The following ADARB2 variants were observed in gnomAD, a reference collection of about 807,000 sequenced individuals.
ADARB2 encodes inactive double-stranded RNA-specific editase B2.
A neutral mutation model predicts 62.2 loss-of-function variants in ADARB2; 25 were observed. That is an observed-to-expected ratio of 0.40 (90% CI 0.29 to 0.56). The LOEUF is 0.56. ADARB2 is among the 20% of genes least tolerant of loss of function. The probability of loss-of-function intolerance (pLI) is 0.43; values close to 1 mark genes in which losing one functional copy is unlikely to be tolerated. For missense variants in ADARB2, 1,071 were observed against 1,077.4 expected, an observed-to-expected ratio of 0.99 and a Z score of 0.08; for synonymous variants, 572 against 500.8, an observed-to-expected ratio of 1.14 and a Z score of -1.90.
intron 8 of ADARB2, among the ~76,000 whole-genome samples, chr10:1,187,052 G>T (rs1234501985): frequency 6.6e-6 from 1 of 152,210 alleles, no homozygotes; most frequent in Admixed American, 6.5e-5. Context: ...TGGCCCATTT[G>T]CCAACCACTT....
chr10:1,202,421 C>A, intron 7 of ADARB2, among the ~76,000 whole-genome samples: 1 of 152,178 alleles, frequency 6.6e-6, no homozygotes, highest in East Asian at 1.9e-4. Context: ...TCAAGCCATC[C>A]ACTGAACTTG....
intron 1 of ADARB2, among the ~76,000 whole-genome samples, chr10:1,465,272 A>C (rs1831239962): frequency 6.6e-6 from 1 of 152,080 alleles, no homozygotes; most frequent in Non-Finnish European, 1.5e-5. Context: ...CAGGTGGTGG[A>C]CCTATTTTAC....
rs980012821 is a variant in ADARB2, at chr10:1,569,914, T to C, written c.100+167137A>G. On this transcript the variant is annotated intron_variant, in intron 1 of 9. Transcript: ENST00000381312. ...TGCCTTGGGACATTGACAATTATTA[T>C]TTAAATCAAAAAGGAAACCAAAAAT... Among the ~76,000 whole-genome samples the C allele has an allele frequency of 5.3e-5, 8 of 152,338 alleles. No homozygotes were observed. The East Asian group carries it at 1.5e-3, about 29-fold the overall frequency.
At chr10:1,662,168 T>A (rs1341583892) in intron 1 of ADARB2, among the ~76,000 whole-genome samples, 2 of 152,166 alleles carry the variant, frequency 1.3e-5, no homozygotes, top group African/African-American at 4.8e-5. Context: ...TTGGAAGGGT[T>A]ATTGGCCCAA....
intron 1 of ADARB2, among the ~76,000 whole-genome samples, chr10:1,515,342 C>G (rs1398480168): frequency 6.6e-6 from 1 of 152,216 alleles, no homozygotes; most frequent in Non-Finnish European, 1.5e-5. Context: ...ACCCCCTGAG[C>G]CGACAGAGTC....
intron 3 of ADARB2, among the ~76,000 whole-genome samples, chr10:1,350,802 C>T (rs1017874294): frequency 9.2e-5 from 14 of 152,090 alleles, no homozygotes; most frequent in East Asian, 3.8e-4. Flanking sequence ...AATTAAATTC[C>T]GGCCCTCAAA....
intron 1 of ADARB2, among the ~76,000 whole-genome samples, chr10:1,507,767 T>A (rs956114264): frequency 1.3e-5 from 2 of 152,118 alleles, no homozygotes; most frequent in Non-Finnish European, 2.9e-5. Context: ...GTACAGTGAC[T>A]TCATTAGGCA....
intron 6 of ADARB2, among the ~76,000 whole-genome samples, chr10:1,219,575 A>AT (rs1473830449): frequency 6.6e-6 from 1 of 152,258 alleles, no homozygotes; most frequent in East Asian, 1.9e-4. Flanking sequence ...AATGAGAGGT[A>AT]TTGAGCCTGG....
At chr10:1,709,901 T>C (rs1354712316) in intron 1 of ADARB2, among the ~76,000 whole-genome samples, 3 of 152,236 alleles carry the variant, frequency 2.0e-5, no homozygotes, top group African/African-American at 7.2e-5. Context: ...GTGCCAAGTC[T>C]CTAAAGCCAA....
chr10:1,617,959 T>G (rs1386757783), intron 1 of ADARB2, among the ~76,000 whole-genome samples: 1 of 152,266 alleles, frequency 6.6e-6, no homozygotes, highest in Non-Finnish European at 1.5e-5. Context: ...CAGATTTCCC[T>G]GAGTTCAGTG....
intron 3 of ADARB2, among the ~76,000 whole-genome samples, chr10:1,283,982 C>T (rs891158683): frequency 1.3e-5 from 2 of 152,290 alleles, no homozygotes; most frequent in African/African-American, 4.8e-5. Context: ...AAGAGTAGAT[C>T]AGTCTGGCCT....
intron 8 of ADARB2, among the ~76,000 whole-genome samples, chr10:1,188,428 G>A (rs1241235788): frequency 6.6e-6 from 1 of 152,210 alleles, no homozygotes; most frequent in Non-Finnish European, 1.5e-5. Context: ...TCAGTTCCTT[G>A]TTCCTTTCAC....
intron 1 of ADARB2, among the ~76,000 whole-genome samples, chr10:1,598,093 G>A (rs1472516479): frequency 6.6e-6 from 1 of 152,220 alleles, no homozygotes; most frequent in Non-Finnish European, 1.5e-5. Flanking sequence ...ACACTGAGTG[G>A]AAAAGTAGAC....
At chr10:1,296,003 T>G (rs950578734) in intron 3 of ADARB2, among the ~76,000 whole-genome samples, 1 of 152,200 alleles carries the variant, frequency 6.6e-6, no homozygotes, top group Non-Finnish European at 1.5e-5. Context: ...GACTGGCCTG[T>G]GCAGCTTGGC....
intron 3 of ADARB2, among the ~76,000 whole-genome samples, chr10:1,272,740 C>T (rs115776422): frequency 1.4e-3 from 210 of 152,332 alleles, no homozygotes; most frequent in African/African-American, 4.7e-3. Context: ...TCCTGTCTTT[C>T]GTGTCTGGAA....
chr10:1,184,732 T>C (rs998714761), intron 9 of ADARB2, 129 bp downstream of exon 9: 3 of 1,064,412 alleles, frequency 2.8e-6, no homozygotes, highest in South Asian at 1.7e-5. Flanking sequence ...GAAAAGGACA[T>C]GTGATGGGCG....
intron 3 of ADARB2, among the ~76,000 whole-genome samples, chr10:1,356,953 A>G (rs1832201695): frequency 1.3e-5 from 2 of 152,238 alleles, no homozygotes; most frequent in African/African-American, 4.8e-5. Context: ...TTGCCACGAC[A>G]GAAATGACGT....
chr10:1,567,563 A>T (rs1262164483), intron 1 of ADARB2, among the ~76,000 whole-genome samples: 1 of 152,212 alleles, frequency 6.6e-6, no homozygotes, highest in East Asian at 1.9e-4. Context: ...AAGGACGGTC[A>T]GCCCCTGCCA....
intron 3 of ADARB2, among the ~76,000 whole-genome samples, chr10:1,355,183 C>T (rs966524086): frequency 2.8e-5 from 4 of 141,004 alleles, no homozygotes; most frequent in Non-Finnish European, 6.2e-5. Context: ...CGTGGTTTCT[C>T]CCTGTTTGGA....
Sources: gnomAD v4.1 joint callset for allele counts (sites outside exome capture counted in the v4.1 genomes callset) on GRCh38, gnomAD v4.1.1 for gene constraint, MANE v1.5 for transcripts, NCBI Gene and HGNC (gene_info 2026-07-23, HGNC 2026-07-21) for gene names.